The following SPMIP2 variants were observed in gnomAD, a reference collection of about 807,000 sequenced individuals.
SPMIP2 encodes the protein protein SPMIP2.
the SPMIP2 span, among the ~76,000 whole-genome samples, chr4:159,055,848 G>A: frequency 6.6e-6 from 1 of 152,204 alleles, no homozygotes; most frequent in African/African-American, 2.4e-5. Flanking sequence ...TAGGGAAATA[G>A]GGGGTCCTTC....
At chr4:159,002,426 T>G in the SPMIP2 span, among the ~76,000 whole-genome samples, 1 of 152,158 alleles carries the variant, frequency 6.6e-6, no homozygotes. Flanking sequence ...ATTATTTTGT[T>G]AAAAAAATTA....
At chr4:159,072,379 C>T in the SPMIP2 span, among the ~76,000 whole-genome samples, 1 of 150,944 alleles carries the variant, frequency 6.6e-6, no homozygotes, top group African/African-American at 2.4e-5. Flanking sequence ...ATTTGAATGT[C>T]TCCTTTGTGT....
the SPMIP2 span, among the ~76,000 whole-genome samples, chr4:159,050,077 G>A: frequency 1.3e-5 from 2 of 152,190 alleles, no homozygotes; most frequent in African/African-American, 4.8e-5. Context: ...CTGGCCCTGG[G>A]CTGCTCTTTT....
the SPMIP2 span, among the ~76,000 whole-genome samples, chr4:158,914,546 G>C: frequency 0.7 from 106,587 of 152,076 alleles, 37,997 homozygotes; most frequent in East Asian, 0.95. Context: ...TTGAAAAACT[G>C]GACGCCTGCA....
the SPMIP2 span, among the ~76,000 whole-genome samples, chr4:158,969,265 A>C: frequency 2.6e-5 from 4 of 152,120 alleles, no homozygotes; most frequent in African/African-American, 9.6e-5. Flanking sequence ...GAGGAGATAC[A>C]ACCAGCTAAG....
the SPMIP2 span, among the ~76,000 whole-genome samples, chr4:158,919,459 A>T: frequency 1.3e-5 from 2 of 152,092 alleles, no homozygotes; most frequent in Non-Finnish European, 2.9e-5. Context: ...TGGGTTTCTT[A>T]TGTTTCCTCT....
At chr4:159,019,245 C>T in the SPMIP2 span, among the ~76,000 whole-genome samples, 1 of 130,264 alleles carries the variant, frequency 7.7e-6, no homozygotes, top group Admixed American at 9.6e-5. Flanking sequence ...GAAAGTGATT[C>T]AGATGCTGGA....
the SPMIP2 span, among the ~76,000 whole-genome samples, chr4:159,078,370 C>T: frequency 6.6e-6 from 1 of 152,178 alleles, no homozygotes; most frequent in Non-Finnish European, 1.5e-5. Context: ...AGCACTAGTT[C>T]TACACCAAGT....
the SPMIP2 span, among the ~76,000 whole-genome samples, chr4:159,008,499 G>T: frequency 6.6e-6 from 1 of 152,074 alleles, no homozygotes; most frequent in Admixed American, 6.5e-5. Flanking sequence ...AACCCGGGAG[G>T]CGGAGGTTGC....
the SPMIP2 span, among the ~76,000 whole-genome samples, chr4:158,916,035 C>T: frequency 6.6e-6 from 1 of 152,174 alleles, no homozygotes; most frequent in Non-Finnish European, 1.5e-5. Flanking sequence ...TGCAAGAGCC[C>T]CTTGGGGACT....
the SPMIP2 span, among the ~76,000 whole-genome samples, chr4:159,009,972 T>C: frequency 1.3e-5 from 2 of 152,098 alleles, no homozygotes; most frequent in East Asian, 3.8e-4. Flanking sequence ...CCAGCCTGGA[T>C]GACAGAGGAG....
At chr4:158,973,098 C>T in the SPMIP2 span, 1,584,900 of 1,591,704 alleles carry the variant, frequency 1, 789,216 homozygotes, top group East Asian at 1. Flanking sequence ...AAAGCCACTC[C>T]CCAGTCTTGA....
At chr4:158,984,639 A>T in the SPMIP2 span, among the ~76,000 whole-genome samples, 1 of 152,108 alleles carries the variant, frequency 6.6e-6, no homozygotes, top group South Asian at 2.1e-4. Flanking sequence ...AGCAGTGTGT[A>T]GAGGGAAATT....
At chr4:158,983,091 C>A in the SPMIP2 span, among the ~76,000 whole-genome samples, 2 of 151,734 alleles carry the variant, frequency 1.3e-5, no homozygotes, top group African/African-American at 4.8e-5. Context: ...TGAAATGAAG[C>A]GAGAAGGGAA....
At chr4:158,950,755 T>G in the SPMIP2 span, among the ~76,000 whole-genome samples, 117,021 of 151,920 alleles carry the variant, frequency 0.77, 45,464 homozygotes, top group East Asian at 0.95. Flanking sequence ...AATTAGCCGG[T>G]CGTGGTGGCA....
the SPMIP2 span, among the ~76,000 whole-genome samples, chr4:158,992,085 G>A: frequency 1.3e-5 from 2 of 152,212 alleles, no homozygotes; most frequent in African/African-American, 2.4e-5. Context: ...TAGACATGGA[G>A]TCTTATTGCC....
chr4:158,954,560 T>G, the SPMIP2 span, among the ~76,000 whole-genome samples: 1 of 152,224 alleles, frequency 6.6e-6, no homozygotes, highest in Non-Finnish European at 1.5e-5. Context: ...CCCACTGACT[T>G]TGAGATCAAT....
At chr4:159,007,799 C>G in the SPMIP2 span, 2 of 574,598 alleles carry the variant, frequency 3.5e-6, no homozygotes, top group Non-Finnish European at 3.4e-6. Flanking sequence ...AGAAAATTGT[C>G]AACCCGAAGG....
At chr4:158,965,450 G>T in the SPMIP2 span, among the ~76,000 whole-genome samples, 6 of 152,248 alleles carry the variant, frequency 3.9e-5, no homozygotes, top group African/African-American at 1.4e-4. Context: ...GCTCAGTGCA[G>T]AGTTTCTGAA....
Sources: allele counts gnomAD v4.1 joint callset (sites outside exome capture counted in the v4.1 genomes callset), GRCh38; gene constraint gnomAD v4.1.1; transcripts MANE v1.5; gene names NCBI Gene and HGNC (gene_info 2026-07-23, HGNC 2026-07-21).